Variants in RNGTT observed in about 807,000 individuals in gnomAD.
RNGTT encodes the protein mRNA-capping enzyme.
In RNGTT, 33 loss-of-function variants were observed where a neutral mutation model predicts 79.3. That is an observed-to-expected ratio of 0.42 (90% CI 0.32 to 0.56). The LOEUF is 0.56. Ranked by LOEUF, RNGTT falls within the 20% of genes least tolerant of loss-of-function variation. The pLI, the probability that RNGTT is intolerant of heterozygous loss-of-function variation, is 0.17. For synonymous variants in RNGTT, 222 were observed against 235.9 expected, an observed-to-expected ratio of 0.94 and a Z score of 0.54; for missense variants, 497 against 739.1, an observed-to-expected ratio of 0.67 and a Z score of 3.80.
rs1491242715 is a variant in RNGTT at position 88,895,227 on chromosome 6, C to CTGTG, written c.685-3313_685-3312insCACA. Among the ~76,000 whole-genome samples the CTGTG allele has an allele frequency of 1.2e-4, 12 of 101,536 alleles. No homozygotes were observed. The East Asian group carries it at 1.7e-3, about 14-fold the overall frequency. The allele number at this position is 101,536 out of a possible 152,430, so 66.6% of individuals were successfully genotyped here. ...TGGAGGCAATTTATGTGAGAGAGAG[C>CTGTG]TCTGTGTGTGTGTGTGTGTGTGTGT... On this transcript the variant is annotated intron_variant, in intron 6 of 15. Transcript: ENST00000369485.
chr6:88,779,983 G>A (rs916228656), intron 12 of RNGTT, among the ~76,000 whole-genome samples: 3 of 152,146 alleles, frequency 2.0e-5, no homozygotes, highest in African/African-American at 7.2e-5. Context: ...AATAGGGTGA[G>A]ACTCTGTCTC....
At chr6:88,953,212 A>G (rs1785313911) in intron 1 of RNGTT, among the ~76,000 whole-genome samples, 1 of 152,220 alleles carries the variant, frequency 6.6e-6, no homozygotes, top group African/African-American at 2.4e-5. Context: ...AACTTAAAGA[A>G]ATTTTAAAAA....
At chr6:88,767,266 A>G (rs1260490964) in intron 13 of RNGTT, among the ~76,000 whole-genome samples, 1 of 152,088 alleles carries the variant, frequency 6.6e-6, no homozygotes, top group African/African-American at 2.4e-5. Flanking sequence ...AAGTAATTCC[A>G]TTTTTTAGGA....
chr6:88,963,586 T>C lies in RNGTT; in HGVS notation c.-177A>G. ...GGCGGCGCGCCACTTTCATTCAGGA[T>C]CAACTCCACAGCTCCAGGAGAACCC... On this transcript the variant is annotated 5_prime_UTR_variant, in exon 1 of 16. Transcript: ENST00000369485. 1 of 554,832 alleles carries C rather than the reference T, an allele frequency of 1.8e-6. No individual in the cohort carries two copies. The allele number at this position is 554,832 out of a possible 1,614,324, so 34.4% of individuals were successfully genotyped here.
intron 14 of RNGTT, among the ~76,000 whole-genome samples, chr6:88,673,364 A>C (rs938429665): frequency 1.3e-5 from 2 of 152,246 alleles, no homozygotes; most frequent in African/African-American, 4.8e-5. Context: ...AAATACTGGT[A>C]TTTCATATTC....
chr6:88,864,545 T>C (rs537047164), intron 8 of RNGTT, among the ~76,000 whole-genome samples: 10 of 152,206 alleles, frequency 6.6e-5, no homozygotes, highest in Non-Finnish European at 1.5e-4. Context: ...TCTTACTAAT[T>C]ATGTAACTTT....
At position 88,648,588 on chromosome 6, in the gene RNGTT, G is replaced by A. The variant is rs936289205; in HGVS notation, c.1506+29765C>T. On this transcript the variant is annotated intron_variant, in intron 14 of 15. Transcript: ENST00000369485. ...CAACTATGCCTCTTGTACCCCAGGCGAACAAAGCTCCACACTTTGCTTTCT... is the reference window on the plus strand; with the variant it reads ...CAACTATGCCTCTTGTACCCCAGGCAAACAAAGCTCCACACTTTGCTTTCT... Among the ~76,000 whole-genome samples, 7 of 151,978 alleles carry A rather than the reference G, an allele frequency of 4.6e-5. No homozygotes were observed. The East Asian group carries it at 7.7e-4, about 17-fold the overall frequency.
chr6:88,873,224 G>A (rs900173818), intron 8 of RNGTT, among the ~76,000 whole-genome samples: 3 of 152,092 alleles, frequency 2.0e-5, no homozygotes, highest in African/African-American at 7.2e-5. Flanking sequence ...TCTCTGCCTC[G>A]TTTCAAATGC....
intron 13 of RNGTT, among the ~76,000 whole-genome samples, chr6:88,717,654 G>A (rs1364095372): frequency 6.6e-6 from 1 of 152,126 alleles, no homozygotes; most frequent in Non-Finnish European, 1.5e-5. Context: ...GGAGACACCA[G>A]CAACGCAAAA....
intron 13 of RNGTT, among the ~76,000 whole-genome samples, chr6:88,712,857 C>T (rs887822607): frequency 6.6e-6 from 1 of 152,066 alleles, no homozygotes; most frequent in African/African-American, 2.4e-5. Context: ...AGAAAAATCA[C>T]AAAAGAAATC....
intron 13 of RNGTT, among the ~76,000 whole-genome samples, chr6:88,684,547 C>A (rs1028684061): frequency 6.6e-6 from 1 of 151,572 alleles, no homozygotes; most frequent in Non-Finnish European, 1.5e-5. Flanking sequence ...TATTCAATGC[C>A]AAAAATAAAT....
intron 8 of RNGTT, among the ~76,000 whole-genome samples, chr6:88,867,054 C>G (rs1337055713): frequency 6.6e-6 from 1 of 152,148 alleles, no homozygotes; most frequent in Admixed American, 6.5e-5. Flanking sequence ...GAATCTTGGG[C>G]CCCAGCCTAG....
intron 13 of RNGTT, among the ~76,000 whole-genome samples, chr6:88,755,450 AAAAC>A (rs1210051915): frequency 1.3e-5 from 2 of 152,216 alleles, no homozygotes; most frequent in East Asian, 3.9e-4. Context: ...AGAAATTCAT[AAAAC>A]AAACAAACAA....
intron 2 of RNGTT, among the ~76,000 whole-genome samples, chr6:88,934,505 A>G (rs1207650491): frequency 1.3e-5 from 2 of 152,064 alleles, no homozygotes; most frequent in Non-Finnish European, 2.9e-5. Flanking sequence ...CCCACTTTTT[A>G]ATGGGATTTT....
At chr6:88,918,204 T>C (rs1784058244) in intron 4 of RNGTT, among the ~76,000 whole-genome samples, 1 of 152,068 alleles carries the variant, frequency 6.6e-6, no homozygotes, top group South Asian at 2.1e-4. Context: ...GTGCCTGTAG[T>C]ACCAGCTACT....
chr6:88,799,653 T>C (rs993818589), intron 12 of RNGTT, among the ~76,000 whole-genome samples: 6 of 148,518 alleles, frequency 4.0e-5, no homozygotes, highest in South Asian at 2.1e-4. Context: ...TGAGCCAACA[T>C]TGCGCCATTG....
At chr6:88,962,246 T>C (rs1315441601) in intron 1 of RNGTT, among the ~76,000 whole-genome samples, 1 of 152,158 alleles carries the variant, frequency 6.6e-6, no homozygotes, top group African/African-American at 2.4e-5. Context: ...TTTGTGTATA[T>C]ACAGTCAAAA....
At chr6:88,800,587 G>A (rs908882566) in intron 12 of RNGTT, among the ~76,000 whole-genome samples, 1 of 152,190 alleles carries the variant, frequency 6.6e-6, no homozygotes, top group South Asian at 2.1e-4. Flanking sequence ...CTTTCCTATA[G>A]AGTAAGTAGC....
At chr6:88,624,852 G>GA (rs954066615) in intron 14 of RNGTT, among the ~76,000 whole-genome samples, 7 of 151,488 alleles carry the variant, frequency 4.6e-5, no homozygotes, top group South Asian at 2.1e-4. Context: ...CAGAACACAT[G>GA]AAAAAAATCT....
Sources: allele counts gnomAD v4.1 joint callset (sites outside exome capture counted in the v4.1 genomes callset), GRCh38; gene constraint gnomAD v4.1.1; transcripts MANE v1.5; gene names NCBI Gene and HGNC (gene_info 2026-07-23, HGNC 2026-07-21).